Variants in DNAAF4 observed in about 807,000 individuals in gnomAD.
The protein encoded by DNAAF4 is dynein assembly factor 4, axonemal.
Under a neutral mutation model 51.8 loss-of-function variants are expected in DNAAF4, and 43 were observed. The observed-to-expected ratio is 0.83, with a 90% CI of 0.65 to 1.07. DNAAF4 has a LOEUF of 1.07. Ranked by LOEUF, DNAAF4 falls within the 50% of genes least tolerant of loss-of-function variation. The pLI is 0.00. For synonymous variants in DNAAF4, 194 were observed against 165.6 expected, an observed-to-expected ratio of 1.17 and a Z score of -1.32; for missense variants, 581 against 493.0, an observed-to-expected ratio of 1.18 and a Z score of -1.69.
At chr15:55,465,131 G>C (rs1035023205) in intron 5 of DNAAF4, among the ~76,000 whole-genome samples, 5 of 147,994 alleles carry the variant, frequency 3.4e-5, no homozygotes, top group African/African-American at 1.3e-4. Flanking sequence ...TGGTGAAAAG[G>C]GACACTTTTA....
chr15:55,506,534 C>G (rs1211736472), intron 1 of DNAAF4, among the ~76,000 whole-genome samples: 1 of 152,136 alleles, frequency 6.6e-6, no homozygotes, highest in Non-Finnish European at 1.5e-5. Context: ...AAAAGTGTCT[C>G]CAGACATTGC....
intron 7 of DNAAF4, among the ~76,000 whole-genome samples, chr15:55,419,789 G>A (rs1426778258): frequency 1.3e-5 from 2 of 152,094 alleles, no homozygotes; most frequent in Non-Finnish European, 2.9e-5. Context: ...CTGAGGTCAG[G>A]AGTTTAAGAC....
chr15:55,454,034 C>T (rs1416567389), intron 5 of DNAAF4, among the ~76,000 whole-genome samples: 2 of 152,020 alleles, frequency 1.3e-5, no homozygotes, highest in African/African-American at 2.4e-5. Context: ...GGTATGGTGG[C>T]TCACGCCTGT....
intron 4 of DNAAF4, among the ~76,000 whole-genome samples, chr15:55,481,980 T>A (rs952298096): frequency 2.0e-5 from 3 of 152,240 alleles, no homozygotes; most frequent in African/African-American, 7.2e-5. Flanking sequence ...TACCCAGGAA[T>A]GCTACCAAAT....
At chr15:55,503,881 C>G (rs910484266) in intron 1 of DNAAF4, among the ~76,000 whole-genome samples, 10 of 152,146 alleles carry the variant, frequency 6.6e-5, no homozygotes, top group Admixed American at 1.3e-4. Flanking sequence ...AGGATGCCCT[C>G]TCTCACCACT....
At chr15:55,433,930 A>T (rs1427946836) in intron 8 of DNAAF4, among the ~76,000 whole-genome samples, 29 of 10,818 alleles carry the variant, frequency 2.7e-3, no homozygotes, top group South Asian at 3.1e-3. Context: ...ATATTATATT[A>T]TATAAAATAT....
intron 6 of DNAAF4, among the ~76,000 whole-genome samples, chr15:55,442,004 AT>A (rs1422287971): frequency 6.6e-6 from 1 of 152,170 alleles, no homozygotes; most frequent in Non-Finnish European, 1.5e-5. Flanking sequence ...CCATGTATTT[AT>A]TCTTCATGCT....
chr15:55,439,029 AC>A (rs1173622661), intron 7 of DNAAF4, among the ~76,000 whole-genome samples: 1 of 152,172 alleles, frequency 6.6e-6, no homozygotes, highest in African/African-American at 2.4e-5. Context: ...TGCCCTGTCT[AC>A]CTTATTTGCT....
chr15:55,505,042 C>A (rs1476814205), intron 1 of DNAAF4, among the ~76,000 whole-genome samples: 1 of 151,960 alleles, frequency 6.6e-6, no homozygotes, highest in Admixed American at 6.6e-5. Context: ...GGCTAATATC[C>A]AGAATCTACA....
intron 4 of DNAAF4, among the ~76,000 whole-genome samples, chr15:55,470,965 C>T (rs2058246926): frequency 6.7e-6 from 1 of 150,096 alleles, no homozygotes; most frequent in Admixed American, 6.8e-5. Context: ...GTGATCCTCT[C>T]ACCTCAGCCT....
At chr15:55,501,545 T>G (rs1026710319) in intron 1 of DNAAF4, among the ~76,000 whole-genome samples, 6 of 149,518 alleles carry the variant, frequency 4.0e-5, no homozygotes, top group African/African-American at 1.5e-4. Flanking sequence ...CCGGCTGATT[T>G]TTTGCATTTT....
At chr15:55,433,385 C>T (rs892720219) in intron 8 of DNAAF4, among the ~76,000 whole-genome samples, 1 of 151,736 alleles carries the variant, frequency 6.6e-6, no homozygotes, top group Non-Finnish European at 1.5e-5. Context: ...CCCAGGCGGG[C>T]GGAGGCCCAG....
intron 6 of DNAAF4, among the ~76,000 whole-genome samples, chr15:55,449,673 A>AAAC (rs538474503): frequency 2.7e-5 from 4 of 148,030 alleles, no homozygotes; most frequent in South Asian, 2.2e-4. Flanking sequence ...TCTCTAAAAC[A>AAAC]AACAACAACA....
rs574008058 is a variant in DNAAF4 at position 55,488,935 on chromosome 15, A to G, written c.405+2188T>C. Among the ~76,000 whole-genome samples the G allele has an allele frequency of 5.9e-5, 9 of 152,138 alleles. No homozygotes were observed. The South Asian group carries it at 1.9e-3, about 32-fold the overall frequency. On this transcript the variant is annotated intron_variant, in intron 4 of 9. Coordinates refer to ENST00000321149, the MANE Select transcript of DNAAF4 (RefSeq NM_130810.4). ...AACCCTGTCTCTACTAAAAATACAAAAAAATTAGCCAGGCGTAGTGGCAGG... is the reference window on the plus strand; with the variant it reads ...AACCCTGTCTCTACTAAAAATACAAGAAAATTAGCCAGGCGTAGTGGCAGG...
chr15:55,504,852 T>C (rs1464080519), intron 1 of DNAAF4, among the ~76,000 whole-genome samples: 1 of 152,200 alleles, frequency 6.6e-6, no homozygotes, highest in Non-Finnish European at 1.5e-5. Flanking sequence ...ATTTAGGACA[T>C]AGGCATGGGC....
intron 5 of DNAAF4, among the ~76,000 whole-genome samples, chr15:55,462,610 C>T (rs1408816861): frequency 2.0e-5 from 3 of 147,552 alleles, no homozygotes; most frequent in Non-Finnish European, 4.5e-5. Context: ...ACCCTAATAC[C>T]AAAACCAGGA....
chr15:55,475,752 T>C (rs1266871862), intron 4 of DNAAF4, among the ~76,000 whole-genome samples: 1 of 152,150 alleles, frequency 6.6e-6, no homozygotes, highest in Non-Finnish European at 1.5e-5. Context: ...ACCTAGCAGT[T>C]TGTTGCTAAA....
intron 5 of DNAAF4, 44 bp from the exon 6 acceptor site, chr15:55,450,411 T>C: frequency 6.3e-7 from 1 of 1,586,328 alleles, no homozygotes; most frequent in Middle Eastern, 1.7e-4. Context: ...TTTCTCATTT[T>C]CTAGTTAACA....
chr15:55,467,543 C>T (rs1567020528), intron 4 of DNAAF4, among the ~76,000 whole-genome samples: 2 of 34,748 alleles, frequency 5.8e-5, no homozygotes, highest in Non-Finnish European at 1.5e-4. Flanking sequence ...CTCTCAAAAT[C>T]TACACACACA....
Sources: gnomAD v4.1 joint callset for allele counts (sites outside exome capture counted in the v4.1 genomes callset) on GRCh38, gnomAD v4.1.1 for gene constraint, MANE v1.5 for transcripts, NCBI Gene and HGNC (gene_info 2026-07-23, HGNC 2026-07-21) for gene names.